Variants in DHRSX observed in about 807,000 individuals in gnomAD.
DHRSX encodes polyprenol dehydrogenase.
In DHRSX, 31 loss-of-function variants were observed where a neutral mutation model predicts 34.0. That is an observed-to-expected ratio of 0.91 (90% CI 0.69 to 1.23). The LOEUF (loss-of-function observed/expected upper bound fraction) is 1.23. Among genes scored for constraint, DHRSX ranks in the 50% most tolerant of loss-of-function variants. The pLI is 0.00. For missense variants in DHRSX, 414 were observed against 428.1 expected, an observed-to-expected ratio of 0.97 and a Z score of 0.29; for synonymous variants, 201 against 183.8, an observed-to-expected ratio of 1.09 and a Z score of -0.76.
chrX:2,326,387 G>C (rs2124540664), intron 3 of DHRSX, among the ~76,000 whole-genome samples: 1 of 152,272 alleles, frequency 6.6e-6, no homozygotes, highest in East Asian at 1.9e-4. Flanking sequence ...GCCGGGCGTG[G>C]TGGCAGGCAC....
chrX:2,411,024 C>T (rs1170575409), intron 2 of DHRSX, among the ~76,000 whole-genome samples: 8 of 151,996 alleles, frequency 5.3e-5, no homozygotes, highest in South Asian at 4.2e-4. Context: ...AGGTGGGTTT[C>T]GACGGGAGGG....
At chrX:2,409,481 C>T (rs751742050) in intron 2 of DHRSX, among the ~76,000 whole-genome samples, 1 of 152,054 alleles carries the variant, frequency 6.6e-6, no homozygotes, top group Non-Finnish European at 1.5e-5. Flanking sequence ...TGTGTCCATG[C>T]GTTCTCATTG....
At chrX:2,314,203 AGAGAG>A (rs1204085337) in intron 3 of DHRSX, among the ~76,000 whole-genome samples, 13 of 43,954 alleles carry the variant, frequency 3.0e-4, no homozygotes, top group African/African-American at 1.1e-3. Context: ...GAGGGAAGGA[AGAGAG>A]GGAGGGAAGG....
At chrX:2,309,748 AG>A (rs1356949466) in intron 3 of DHRSX, among the ~76,000 whole-genome samples, 3 of 152,112 alleles carry the variant, frequency 2.0e-5, no homozygotes, top group South Asian at 2.1e-4. Flanking sequence ...CCTCTACAAA[AG>A]GAAGTCATAA....
intron 1 of DHRSX, among the ~76,000 whole-genome samples, chrX:2,463,169 AC>A (rs1406563183): frequency 6.6e-6 from 1 of 152,132 alleles, no homozygotes; most frequent in Non-Finnish European, 1.5e-5. Flanking sequence ...TTTATAAATT[AC>A]CCAACTGAAG....
intron 1 of DHRSX, among the ~76,000 whole-genome samples, chrX:2,429,171 G>A (rs5939296): frequency 0.54 from 81,422 of 151,696 alleles, 22,798 homozygotes; most frequent in East Asian, 0.93. Context: ...CAAGCTGAGG[G>A]ACTTGCAAAT....
chrX:2,245,475 A>G (rs1425891510), intron 5 of DHRSX, among the ~76,000 whole-genome samples: 2 of 151,256 alleles, frequency 1.3e-5, no homozygotes, highest in African/African-American at 4.9e-5. Context: ...CGCCCGGCTA[A>G]TTTTTTGTAT....
At chrX:2,316,556 A>G (rs1446785171) in intron 3 of DHRSX, among the ~76,000 whole-genome samples, 5 of 152,040 alleles carry the variant, frequency 3.3e-5, no homozygotes, top group African/African-American at 1.2e-4. Flanking sequence ...TGCCTCAAAA[A>G]CAACAACAAT....
At position 2,219,606 on chromosome X, in the gene DHRSX, G is replaced by A. The variant is rs756236206; in HGVS notation, c.*1435C>T. On this transcript the variant is annotated 3_prime_UTR_variant, in exon 7 of 7. Coordinates refer to ENST00000334651, the MANE Select transcript of DHRSX (RefSeq NM_145177.3). Reference sequence around the variant, plus strand: ...TGGGAACAATCTAGCAGTCATGTAAGAAGCACATGCCCCCACAATTAGTTT... The same window carrying A: ...TGGGAACAATCTAGCAGTCATGTAAAAAGCACATGCCCCCACAATTAGTTT... The A allele has an allele frequency of 6.6e-6, 1 of 152,272 alleles. No homozygotes were observed. The highest frequency in any genetic ancestry group is 1.9e-4 in the East Asian group (1 of 5,188). 9.4% of individuals were successfully genotyped at this position (152,272 alleles called of 1,614,324 possible).
chrX:2,425,366 G>T, intron 1 of DHRSX, 62 bp from the exon 2 acceptor site: 1 of 1,438,400 alleles, frequency 7.0e-7, no homozygotes, highest in Non-Finnish European at 9.8e-7. Flanking sequence ...ATATTTGTAA[G>T]AATTAAGCCT....
intron 3 of DHRSX, chrX:2,337,759 C>A (rs1358759252): frequency 6.6e-6 from 1 of 152,098 alleles, no homozygotes; most frequent in Non-Finnish European, 1.5e-5. Context: ...CCTGTACCTT[C>A]ATCTGTTCTT....
chrX:2,344,912 T>TATATAC (rs2042684806), intron 3 of DHRSX, among the ~76,000 whole-genome samples: 1 of 121,814 alleles, frequency 8.2e-6, no homozygotes, highest in Non-Finnish European at 1.7e-5. Context: ...TATATATATA[T>TATATAC]ATACTGTATT....
chrX:2,479,461 A>T (rs1015795379), intron 1 of DHRSX, among the ~76,000 whole-genome samples: 6 of 151,804 alleles, frequency 4.0e-5, no homozygotes, highest in African/African-American at 1.5e-4. Flanking sequence ...CACACTGAAG[A>T]CATTCCCTAA....
intron 3 of DHRSX, among the ~76,000 whole-genome samples, chrX:2,394,333 GA>G (rs2043381965): frequency 6.6e-6 from 1 of 152,214 alleles, no homozygotes; most frequent in Non-Finnish European, 1.5e-5. Context: ...GCTGGGGCAG[GA>G]GGGAAATCGG....
rs572028102 is a variant in DHRSX, at chrX:2,390,952, A to C, written c.286+17793T>G. On this transcript the variant is annotated intron_variant, in intron 3 of 6. Coordinates refer to ENST00000334651, the MANE Select transcript of DHRSX (RefSeq NM_145177.3). ...ATTTCACTTAGCATTAATGTCCTCA[A>C]GGTTAGCCCACATCGCAGCATGCAT... 3.3e-5 allele frequency among the ~76,000 whole-genome samples: 5 copies of C among 152,120 alleles called. No homozygotes were observed. In the South Asian group the frequency reaches 1.0e-3, roughly 32 times the overall value.
At chrX:2,496,943 T>C (rs1310849846) in intron 1 of DHRSX, among the ~76,000 whole-genome samples, 1 of 151,126 alleles carries the variant, frequency 6.6e-6, no homozygotes, top group East Asian at 1.9e-4. Context: ...TTTTTGTATG[T>C]AACATGTAAT....
At chrX:2,408,614 G>A in intron 3 of DHRSX, 131 bp downstream of exon 3, 1 of 770,108 alleles carries the variant, frequency 1.3e-6, no homozygotes, top group Non-Finnish European at 2.1e-6. Context: ...CAAAAGAAGA[G>A]TGCAAAAATC....
chrX:2,309,393 T>C (rs780819426), intron 3 of DHRSX, among the ~76,000 whole-genome samples: 2 of 152,212 alleles, frequency 1.3e-5, no homozygotes, highest in South Asian at 4.2e-4. Context: ...ATGAGTAACA[T>C]TTATATATAC....
intron 5 of DHRSX, among the ~76,000 whole-genome samples, chrX:2,265,520 C>A (rs1460606921): frequency 8.2e-4 from 65 of 79,202 alleles, no homozygotes; most frequent in South Asian, 2.5e-3. Flanking sequence ...GCACCAGTGT[C>A]CAGCAGATGC....
Sources: allele counts gnomAD v4.1 joint callset (sites outside exome capture counted in the v4.1 genomes callset), GRCh38; gene constraint gnomAD v4.1.1; transcripts MANE v1.5; gene names NCBI Gene and HGNC (gene_info 2026-07-23, HGNC 2026-07-21).